The following ZZZ3 variants were observed in gnomAD, a reference collection of about 807,000 sequenced individuals.
The protein encoded by ZZZ3 is ZZ-type zinc finger-containing protein 3.
Under a neutral mutation model 95.2 loss-of-function variants are expected in ZZZ3, and 22 were observed. The observed-to-expected ratio is 0.23, with a 90% CI of 0.17 to 0.33. The LOEUF (loss-of-function observed/expected upper bound fraction) is 0.33. Ranked by LOEUF, ZZZ3 falls within the 10% of genes least tolerant of loss-of-function variation. The pLI is 1.00. For missense variants in ZZZ3, 885 were observed against 1,066.5 expected (o/e 0.83, Z 2.37); for synonymous variants, 335 against 358.9 (o/e 0.93, Z 0.75).
intron 1 of ZZZ3, among the ~76,000 whole-genome samples, chr1:77,658,806 G>T (rs1035155466): frequency 1.6e-4 from 24 of 152,072 alleles, no homozygotes; most frequent in African/African-American, 2.4e-5. Flanking sequence ...TACACTCTAT[G>T]TCTGCATTTG....
At chr1:77,591,307 CTTTCT>C (rs1663670868) in intron 5 of ZZZ3, among the ~76,000 whole-genome samples, 1 of 152,112 alleles carries the variant, frequency 6.6e-6, no homozygotes, top group South Asian at 2.1e-4. Flanking sequence ...CTTTCTTTCT[CTTTCT>C]TTTCTTTTCC....
intron 1 of ZZZ3, among the ~76,000 whole-genome samples, chr1:77,657,019 C>G (rs1007345279): frequency 2.0e-5 from 3 of 152,164 alleles, no homozygotes; most frequent in African/African-American, 7.2e-5. Flanking sequence ...CTCACTTTGT[C>G]GTCCAGGCTG....
intron 1 of ZZZ3, among the ~76,000 whole-genome samples, chr1:77,659,270 G>A (rs558284439): frequency 2.0e-5 from 3 of 152,196 alleles, no homozygotes; most frequent in South Asian, 2.1e-4. Flanking sequence ...AGCTTTAAGT[G>A]TTTTAATATT....
At chr1:77,653,479 C>T (rs1009348296) in intron 1 of ZZZ3, among the ~76,000 whole-genome samples, 2 of 152,254 alleles carry the variant, frequency 1.3e-5, no homozygotes, top group Non-Finnish European at 2.9e-5. Flanking sequence ...ATCGGCCAGG[C>T]GCGATGGCTC....
chr1:77,574,462 A>G (rs1254872532), intron 12 of ZZZ3, among the ~76,000 whole-genome samples: 2 of 152,164 alleles, frequency 1.3e-5, no homozygotes, highest in African/African-American at 2.4e-5. Context: ...TCATCCTTAA[A>G]TAAAATAAAA....
intron 1 of ZZZ3, among the ~76,000 whole-genome samples, chr1:77,647,490 G>A (rs952316379): frequency 2.0e-5 from 3 of 150,034 alleles, no homozygotes; most frequent in Non-Finnish European, 2.9e-5. Flanking sequence ...CTGCACTCCA[G>A]CCAGGCCAAC....
At chr1:77,611,574 C>A (rs1665816809) in intron 5 of ZZZ3, among the ~76,000 whole-genome samples, 1 of 151,950 alleles carries the variant, frequency 6.6e-6, no homozygotes, top group Non-Finnish European at 1.5e-5. Flanking sequence ...GGAAGCATCA[C>A]ACTCAATGAT....
At chr1:77,658,007 T>A (rs958431527) in intron 1 of ZZZ3, among the ~76,000 whole-genome samples, 3 of 151,860 alleles carry the variant, frequency 2.0e-5, no homozygotes, top group African/African-American at 7.3e-5. Context: ...GGCAAAACTC[T>A]GTCTCTACTA....
At chr1:77,634,179 T>A (rs10873952) in intron 4 of ZZZ3, among the ~76,000 whole-genome samples, 150,022 of 151,960 alleles carry the variant, frequency 0.99, 74,062 homozygotes, top group Middle Eastern at 1. Flanking sequence ...AAAAAATAAA[T>A]AAATAAATAA....
At position 77,578,858 on chromosome 1, in the gene ZZZ3, T is replaced by C. The variant is rs930505228; in HGVS notation, c.2094A>G (p.Arg698=). The change falls in exon 11 of 15, where the codon CGA becomes CGG. Residue 698 remains arginine, a synonymous_variant. Coordinates refer to ENST00000370801, the MANE Select transcript of ZZZ3 (RefSeq NM_015534.6). The stretch of plus-strand genomic sequence containing the variant: ...TTAGCTTTATGAAATACTTCTGTAC[T>C]CGGCTGGCAACCTAAGGAAACATGA... ...GNRTAKQVAS[R]VQKYFIKLTK... is the part of the protein sequence containing the mutation. 3.8e-6 allele frequency: 6 copies of C among 1,561,910 alleles called. No individual in the cohort carries two copies. The highest frequency in any genetic ancestry group is 5.2e-6 in the Non-Finnish European group (6 of 1,158,556).
intron 5 of ZZZ3, among the ~76,000 whole-genome samples, chr1:77,610,818 A>T (rs1665722682): frequency 6.6e-6 from 1 of 151,570 alleles, no homozygotes; most frequent in South Asian, 2.1e-4. Context: ...GTACCTCAAC[A>T]CCCTCAACAC....
chr1:77,650,328 T>C (rs1354009368), intron 1 of ZZZ3, among the ~76,000 whole-genome samples: 3 of 152,132 alleles, frequency 2.0e-5, no homozygotes, highest in Non-Finnish European at 4.4e-5. Flanking sequence ...AGTCTAAAAA[T>C]AGTTTCAAGC....
intron 5 of ZZZ3, among the ~76,000 whole-genome samples, chr1:77,605,396 T>A (rs1167114912): frequency 6.6e-6 from 1 of 152,144 alleles, no homozygotes; most frequent in Admixed American, 6.5e-5. Context: ...CTCTAGAGCA[T>A]TAAATAAACT....
chr1:77,649,205 C>T (rs985832264), intron 1 of ZZZ3, among the ~76,000 whole-genome samples: 1 of 151,768 alleles, frequency 6.6e-6, no homozygotes, highest in Non-Finnish European at 1.5e-5. Context: ...CAGCTCATAA[C>T]CAAACTGCTT....
intron 5 of ZZZ3, among the ~76,000 whole-genome samples, chr1:77,585,486 G>A (rs898455189): frequency 3.1e-4 from 47 of 152,102 alleles, no homozygotes; most frequent in Admixed American, 1.3e-4. Context: ...CCAAAGCTCC[G>A]AATGCTCAAA....
intron 5 of ZZZ3, among the ~76,000 whole-genome samples, chr1:77,588,903 CAG>C (rs1337134058): frequency 6.6e-6 from 1 of 152,196 alleles, no homozygotes; most frequent in Admixed American, 6.5e-5. Flanking sequence ...CCTTTTGAGA[CAG>C]GGAGTCGCTG....
intron 7 of ZZZ3, 33 bp downstream of exon 7, chr1:77,581,946 T>C: frequency 6.2e-7 from 1 of 1,602,648 alleles, no homozygotes; most frequent in Non-Finnish European, 8.5e-7. Context: ...CCAGATATTT[T>C]TCTACTTAAA....
intron 5 of ZZZ3, among the ~76,000 whole-genome samples, chr1:77,612,016 A>G (rs900582299): frequency 6.6e-6 from 1 of 152,088 alleles, no homozygotes. Flanking sequence ...AAGGAAACAA[A>G]CAACAAAATA....
intron 5 of ZZZ3, among the ~76,000 whole-genome samples, chr1:77,622,847 T>TA (rs916472588): frequency 1.3e-4 from 20 of 152,084 alleles, no homozygotes; most frequent in East Asian, 9.6e-4. Context: ...TCAACTTCTT[T>TA]AAAAAAAAGA....
Sources: allele counts gnomAD v4.1 joint callset (sites outside exome capture counted in the v4.1 genomes callset), GRCh38; gene constraint gnomAD v4.1.1; transcripts MANE v1.5; gene names NCBI Gene and HGNC (gene_info 2026-07-23, HGNC 2026-07-21).